Variants in CNTNAP2 observed in about 807,000 individuals in gnomAD.
CNTNAP2 encodes the protein contactin associated protein 2.
Under a neutral mutation model 155.2 loss-of-function variants are expected in CNTNAP2, and 98 were observed. The ratio of observed to expected loss-of-function variants is 0.63; its 90% CI spans 0.54 to 0.75. The LOEUF is 0.75. CNTNAP2 is among the 30% of genes least tolerant of loss of function. The pLI is 0.00. For synonymous variants in CNTNAP2, 651 were observed against 631.2 expected (o/e 1.03, Z -0.47); for missense variants, 1,727 against 1,688.1 (o/e 1.02, Z -0.40).
chr7:147,470,955 C>A (rs1798206531), intron 10 of CNTNAP2, among the ~76,000 whole-genome samples: 1 of 152,050 alleles, frequency 6.6e-6, no homozygotes, highest in Admixed American at 6.6e-5. Context: ...ATTGAGCCGG[C>A]AGCAAAAGAC....
chr7:146,587,116 T>A (rs918438680), intron 1 of CNTNAP2, among the ~76,000 whole-genome samples: 1 of 152,154 alleles, frequency 6.6e-6, no homozygotes, highest in African/African-American at 2.4e-5. Context: ...TTTCTTCCAG[T>A]TTGCTTTCTG....
chr7:146,260,331 C>G (rs1438330495), intron 1 of CNTNAP2, among the ~76,000 whole-genome samples: 3 of 152,224 alleles, frequency 2.0e-5, no homozygotes, highest in Non-Finnish European at 4.4e-5. Context: ...CCACCTGGGG[C>G]ACTGCCTAGT....
intron 8 of CNTNAP2, among the ~76,000 whole-genome samples, chr7:147,228,071 G>A (rs1229900924): frequency 1.3e-5 from 2 of 152,164 alleles, no homozygotes; most frequent in Non-Finnish European, 2.9e-5. Flanking sequence ...AACAGTAGAT[G>A]AACAAGTAGG....
chr7:146,829,069 TTTA>T (rs1392243372), intron 2 of CNTNAP2, among the ~76,000 whole-genome samples: 2 of 152,078 alleles, frequency 1.3e-5, no homozygotes, highest in Non-Finnish European at 1.5e-5. Context: ...TATTTGACAT[TTTA>T]AAAACAAATT....
chr7:146,846,381 TA>T (rs1297508105), intron 3 of CNTNAP2, among the ~76,000 whole-genome samples: 1 of 150,696 alleles, frequency 6.6e-6, no homozygotes, highest in Non-Finnish European at 1.5e-5. Context: ...ATAAATGGGG[TA>T]AAAATCTTCA....
chr7:146,746,842 C>T (rs1801817051), intron 1 of CNTNAP2, among the ~76,000 whole-genome samples: 2 of 152,030 alleles, frequency 1.3e-5, no homozygotes. Context: ...TAGTTTTATG[C>T]TTATAGTTGG....
At chr7:148,041,443 C>A (rs1802673002) in intron 15 of CNTNAP2, among the ~76,000 whole-genome samples, 1 of 152,190 alleles carries the variant, frequency 6.6e-6, no homozygotes, top group Non-Finnish European at 1.5e-5. Context: ...AAACATGGAG[C>A]CCATTTGGAG....
intron 1 of CNTNAP2, among the ~76,000 whole-genome samples, chr7:146,430,844 A>T (rs1035004259): frequency 6.6e-6 from 1 of 152,050 alleles, no homozygotes; most frequent in Non-Finnish European, 1.5e-5. Flanking sequence ...GCTTCATATG[A>T]TCAAGAACCT....
chr7:147,941,280 C>T (rs1047231282), intron 14 of CNTNAP2, among the ~76,000 whole-genome samples: 7 of 152,062 alleles, frequency 4.6e-5, no homozygotes, highest in African/African-American at 1.7e-4. Context: ...CTAGGAATTG[C>T]GTGTGTAGAA....
chr7:147,350,401 G>A (rs148314496), intron 9 of CNTNAP2, among the ~76,000 whole-genome samples: 281 of 151,898 alleles, frequency 1.8e-3, no homozygotes, highest in African/African-American at 6.4e-3. Context: ...AGCGAATCAT[G>A]ATTATTGACA....
chr7:147,244,118 G>T (rs1804001921), intron 8 of CNTNAP2, among the ~76,000 whole-genome samples: 1 of 152,060 alleles, frequency 6.6e-6, no homozygotes, highest in Non-Finnish European at 1.5e-5. Context: ...ACCCTTTGGG[G>T]ACTATGCTGC....
At chr7:146,221,371 C>CG in intron 1 of CNTNAP2, among the ~76,000 whole-genome samples, 2 of 151,272 alleles carry the variant, frequency 1.3e-5, no homozygotes, top group South Asian at 2.1e-4. Context: ...TTTAAATATA[C>CG]TTTTAAATAT....
chr7:147,783,098 G>C (rs1025758251), intron 13 of CNTNAP2, among the ~76,000 whole-genome samples: 3 of 152,078 alleles, frequency 2.0e-5, no homozygotes, highest in East Asian at 3.9e-4. Context: ...AAATAACGTA[G>C]TTTTCACTTA....
At chr7:146,263,076 T>C (rs1799943492) in intron 1 of CNTNAP2, among the ~76,000 whole-genome samples, 1 of 152,056 alleles carries the variant, frequency 6.6e-6, no homozygotes, top group Non-Finnish European at 1.5e-5. Flanking sequence ...CCCAGCACTT[T>C]GGGAGGATGA....
intron 1 of CNTNAP2, among the ~76,000 whole-genome samples, chr7:146,615,468 C>T (rs1460151165): frequency 1.3e-5 from 2 of 152,184 alleles, no homozygotes; most frequent in Non-Finnish European, 2.9e-5. Flanking sequence ...TAAATATCTT[C>T]TGTGTTTCAG....
intron 2 of CNTNAP2, among the ~76,000 whole-genome samples, chr7:146,789,557 A>G (rs1433671133): frequency 2.0e-5 from 3 of 151,654 alleles, no homozygotes; most frequent in Non-Finnish European, 2.9e-5. Flanking sequence ...ATTGAAATCA[A>G]TTTAGTCTAA....
At chr7:147,916,436 T>C (rs1800163439) in intron 14 of CNTNAP2, among the ~76,000 whole-genome samples, 1 of 152,096 alleles carries the variant, frequency 6.6e-6, no homozygotes, top group Non-Finnish European at 1.5e-5. Context: ...AAGAGAGCGA[T>C]TAATCAGGTG....
chr7:148,053,792 T>G (rs1802937329), intron 15 of CNTNAP2, among the ~76,000 whole-genome samples: 2 of 152,192 alleles, frequency 1.3e-5, no homozygotes, highest in Non-Finnish European at 1.5e-5. Context: ...TTTTATGGAT[T>G]GTCAGTAATA....
chr7:147,839,977 ACTC>A (rs972116070), intron 13 of CNTNAP2, among the ~76,000 whole-genome samples: 1 of 145,388 alleles, frequency 6.9e-6, no homozygotes, highest in African/African-American at 2.6e-5. Context: ...ATGGAATACT[ACTC>A]AGCCATAAAC....
Sources: allele counts gnomAD v4.1 joint callset (sites outside exome capture counted in the v4.1 genomes callset), GRCh38; gene constraint gnomAD v4.1.1; transcripts MANE v1.5; gene names NCBI Gene and HGNC (gene_info 2026-07-23, HGNC 2026-07-21).